The following HS3ST4 variants were observed in gnomAD, a reference collection of about 807,000 sequenced individuals.
The protein encoded by HS3ST4 is heparan sulfate glucosamine 3-O-sulfotransferase 4.
A neutral mutation model predicts 29.2 loss-of-function variants in HS3ST4; 17 were observed. The observed-to-expected ratio is 0.58, with a 90% CI of 0.40 to 0.87. The LOEUF (loss-of-function observed/expected upper bound fraction) is 0.87, where lower values mean the gene tolerates loss of function less well. Ranked by LOEUF, HS3ST4 falls within the 40% of genes least tolerant of loss-of-function variation. The probability of loss-of-function intolerance (pLI) is 0.00; values close to 1 mark genes in which losing one functional copy is unlikely to be tolerated. For synonymous variants in HS3ST4, 314 were observed against 285.7 expected, an observed-to-expected ratio of 1.10 and a Z score of -1.00; for missense variants, 627 against 634.5, an observed-to-expected ratio of 0.99 and a Z score of 0.13.
chr16:25,970,895 G>A (rs867617701), intron 1 of HS3ST4, among the ~76,000 whole-genome samples: 14 of 152,050 alleles, frequency 9.2e-5, no homozygotes, highest in Non-Finnish European at 1.8e-4. Context: ...CTGTCGCTCA[G>A]GCTGGAGTGC....
chr16:25,982,212 C>T (rs1282975824), intron 1 of HS3ST4, among the ~76,000 whole-genome samples: 2 of 152,178 alleles, frequency 1.3e-5, no homozygotes, highest in Non-Finnish European at 2.9e-5. Flanking sequence ...AGACGAACTG[C>T]TGGTTCCATC....
intron 1 of HS3ST4, among the ~76,000 whole-genome samples, chr16:25,963,651 T>C (rs1051930205): frequency 6.6e-6 from 1 of 152,252 alleles, no homozygotes; most frequent in African/African-American, 2.4e-5. Flanking sequence ...CATCATCAAA[T>C]AATTTAGTCT....
chr16:26,083,468 C>T (rs928771037), intron 1 of HS3ST4, among the ~76,000 whole-genome samples: 3 of 152,018 alleles, frequency 2.0e-5, no homozygotes, highest in Non-Finnish European at 4.4e-5. Flanking sequence ...TAATCTAGAC[C>T]AAGAGTCAAC....
chr16:26,021,110 C>G (rs1185084019), intron 1 of HS3ST4, among the ~76,000 whole-genome samples: 1 of 152,174 alleles, frequency 6.6e-6, no homozygotes, highest in Non-Finnish European at 1.5e-5. Flanking sequence ...AGGTAATGAT[C>G]ACTGCAAACA....
intron 1 of HS3ST4, among the ~76,000 whole-genome samples, chr16:25,888,271 C>T (rs963296239): frequency 2.0e-5 from 3 of 152,120 alleles, no homozygotes; most frequent in African/African-American, 7.2e-5. Context: ...GGTATTGGAT[C>T]TTGGAATGAA....
At chr16:25,856,533 T>C (rs953472230) in intron 1 of HS3ST4, among the ~76,000 whole-genome samples, 8 of 152,288 alleles carry the variant, frequency 5.3e-5, no homozygotes, top group African/African-American at 1.7e-4. Context: ...AGAGAGGACA[T>C]GGAAGCTTTA....
intron 1 of HS3ST4, among the ~76,000 whole-genome samples, chr16:25,907,698 G>A (rs890584949): frequency 3.9e-5 from 6 of 152,190 alleles, no homozygotes; most frequent in Non-Finnish European, 5.9e-5. Context: ...TTCGGCACCC[G>A]GGCCCCCCAA....
intron 1 of HS3ST4, among the ~76,000 whole-genome samples, chr16:25,742,219 A>G (rs1031998249): frequency 2.0e-5 from 3 of 152,162 alleles, no homozygotes; most frequent in Non-Finnish European, 4.4e-5. Flanking sequence ...TTTTTGTCAC[A>G]TTGGTTTCAT....
rs545968327 is a variant in HS3ST4, at chr16:26,032,820, C to T, written c.735-102792C>T. On this transcript the variant is annotated intron_variant, in intron 1 of 1. Coordinates refer to ENST00000331351, the MANE Select transcript of HS3ST4 (RefSeq NM_006040.3). ...GCCTTTCTCTTGGGCATGGTGGTGGCGGCGACGGCAGCAGGACGTAGGTGC... is the reference window on the plus strand; with the variant it reads ...GCCTTTCTCTTGGGCATGGTGGTGGTGGCGACGGCAGCAGGACGTAGGTGC... 1.2e-4 allele frequency: 193 copies of T among 1,569,532 alleles called. 2 individuals are homozygous for T. In the South Asian group the frequency reaches 1.3e-3, roughly 11 times the overall value.
chr16:25,893,884 G>T (rs1054400340), intron 1 of HS3ST4, among the ~76,000 whole-genome samples: 1 of 152,198 alleles, frequency 6.6e-6, no homozygotes, highest in African/African-American at 2.4e-5. Flanking sequence ...ACCCCGGGAT[G>T]TCCAGGGAAG....
chr16:26,113,815 G>A (rs768921731), intron 1 of HS3ST4, among the ~76,000 whole-genome samples: 1 of 152,156 alleles, frequency 6.6e-6, no homozygotes, highest in East Asian at 1.9e-4. Flanking sequence ...TGATATTTGG[G>A]ATGAAGGGGA....
chr16:25,704,571 G>T lies in HS3ST4; in HGVS notation c.734+11420G>T, dbSNP rs141499603. 3.2e-3 allele frequency among the ~76,000 whole-genome samples: 480 copies of T among 152,172 alleles called. 1 individual carries two copies. The highest frequency in any genetic ancestry group is 0.011 in the African/African-American group (450 of 41,528). On this transcript the variant is annotated intron_variant, in intron 1 of 1. Coordinates refer to ENST00000331351, the MANE Select transcript of HS3ST4 (RefSeq NM_006040.3). The stretch of plus-strand genomic sequence containing the variant: ...AACTCCTGGGCTCAAGTGATCTCCT[G>T]CCTCTAGTAGCTGGACTATATAGGT...
intron 1 of HS3ST4, among the ~76,000 whole-genome samples, chr16:25,717,497 TAGA>T (rs1452559013): frequency 6.9e-6 from 1 of 144,076 alleles, no homozygotes; most frequent in Non-Finnish European, 1.5e-5. Context: ...GAAGGATGAG[TAGA>T]AGGTGAAGGG....
At position 25,799,235 on chromosome 16, in the gene HS3ST4, C is replaced by T. The variant is rs1011689524; in HGVS notation, c.734+106084C>T. Among the ~76,000 whole-genome samples, 101 of 152,108 alleles carry T rather than the reference C, an allele frequency of 6.6e-4. 5 individuals carry two copies. Among genetic ancestry groups the T allele is most frequent in the Non-Finnish European group, 1.9e-4 (13 of 68,024 alleles). On this transcript the variant is annotated intron_variant, in intron 1 of 1. Transcript: ENST00000331351. ...TTCCATGCCACCCACATTCAAATTCCCATTGTTACCTTGAAGTACCATGTT... is the reference window on the plus strand; with the variant it reads ...TTCCATGCCACCCACATTCAAATTCTCATTGTTACCTTGAAGTACCATGTT...
At chr16:25,875,762 T>C (rs1356762824) in intron 1 of HS3ST4, among the ~76,000 whole-genome samples, 1 of 152,106 alleles carries the variant, frequency 6.6e-6, no homozygotes, top group Admixed American at 6.6e-5. Flanking sequence ...GCTGGGAGAC[T>C]TGGCCATGGG....
intron 1 of HS3ST4, among the ~76,000 whole-genome samples, chr16:25,802,925 ATATGTGTGTGTGTGTGTG>A (rs1284093763): frequency 3.8e-5 from 5 of 131,340 alleles, no homozygotes; most frequent in African/African-American, 1.1e-4. Flanking sequence ...TTTAAGTTAT[ATATGTGTGTGTGTGTGTG>A]TGTGTGTGTG....
chr16:25,928,746 C>T (rs1423246840), intron 1 of HS3ST4, among the ~76,000 whole-genome samples: 1 of 152,154 alleles, frequency 6.6e-6, no homozygotes, highest in Non-Finnish European at 1.5e-5. Context: ...ATGGGCTTTT[C>T]CACAGGGCCA....
chr16:25,839,670 A>G (rs1967393815), intron 1 of HS3ST4, among the ~76,000 whole-genome samples: 1 of 152,180 alleles, frequency 6.6e-6, no homozygotes. Context: ...GTCTCACAAC[A>G]GTGATCAGTG....
At chr16:25,920,390 A>G (rs1422744653) in intron 1 of HS3ST4, among the ~76,000 whole-genome samples, 1 of 151,818 alleles carries the variant, frequency 6.6e-6, no homozygotes, top group Non-Finnish European at 1.5e-5. Flanking sequence ...ATGATCTGCA[A>G]CTCATTTTTT....
Sources: allele counts gnomAD v4.1 joint callset (sites outside exome capture counted in the v4.1 genomes callset), GRCh38; gene constraint gnomAD v4.1.1; transcripts MANE v1.5; gene names NCBI Gene and HGNC (gene_info 2026-07-23, HGNC 2026-07-21).